Variants in COL21A1 observed in about 807,000 individuals in gnomAD.
COL21A1 encodes collagen type XXI alpha 1 chain, also known as collagen alpha-1(XXI) chain.
A neutral mutation model predicts 137.9 loss-of-function variants in COL21A1; 149 were observed. The observed-to-expected ratio is 1.08, with a 90% CI of 0.95 to 1.24. The LOEUF is 1.24. COL21A1 is among the 50% of genes most tolerant of loss of function. The pLI, the probability that COL21A1 is intolerant of heterozygous loss-of-function variation, is 0.00. For missense variants in COL21A1, 1,167 were observed against 1,158.4 expected, an observed-to-expected ratio of 1.01 and a Z score of -0.11; for synonymous variants, 456 against 391.5, an observed-to-expected ratio of 1.16 and a Z score of -1.95.
chr6:56,249,230 G>T (rs554263634), upstream of COL21A1, among the ~76,000 whole-genome samples: 1 of 152,268 alleles, frequency 6.6e-6, no homozygotes, highest in South Asian at 2.1e-4. Context: ...TGTTAGGGAG[G>T]ATATGGAGAA....
intron 1 of COL21A1, chr6:56,225,939 T>C (rs2745370): frequency 6.6e-6 from 1 of 152,000 alleles, no homozygotes. Context: ...TTAAATAGAT[T>C]AATCACAGAG....
At chr6:56,298,521 G>A (rs970861784) in intron 1 of COL21A1, among the ~76,000 whole-genome samples, 24 of 151,974 alleles carry the variant, frequency 1.6e-4, no homozygotes, top group Non-Finnish European at 5.9e-5. Context: ...CAGACATGTG[G>A]TCTGAGGATG....
Position 56,106,842 on chromosome 6 carries a change from A to T in COL21A1, c.1759-5317T>A, listed in dbSNP as rs1461778130. Among the ~76,000 whole-genome samples, 4 of 152,032 alleles carry T rather than the reference A, an allele frequency of 2.6e-5. No homozygotes were observed. In the East Asian group the frequency reaches 7.8e-4, roughly 29 times the overall value. On this transcript the variant is annotated intron_variant, in intron 16 of 29. Transcript: ENST00000244728. Reference sequence around the variant, plus strand: ...CGCTCTGTCGCCCAGGCTGGAGTGCAGTGGCGCCATCTCGGCTCACTGCAA... The same window carrying T: ...CGCTCTGTCGCCCAGGCTGGAGTGCTGTGGCGCCATCTCGGCTCACTGCAA...
At chr6:56,144,371 T>C (rs1774673464) in intron 10 of COL21A1, among the ~76,000 whole-genome samples, 1 of 152,088 alleles carries the variant, frequency 6.6e-6, no homozygotes, top group Admixed American at 6.6e-5. Context: ...AAGAAATCCA[T>C]TTTGCAAGAC....
chr6:56,307,505 C>T (rs568912303), intron 1 of COL21A1, among the ~76,000 whole-genome samples: 152 of 152,318 alleles, frequency 1.0e-3, no homozygotes, highest in African/African-American at 3.3e-3. Context: ...GCTCCGTGGG[C>T]GTAGGACCCT....
intron 1 of COL21A1, among the ~76,000 whole-genome samples, chr6:56,390,411 C>T (rs1015008568): frequency 8.6e-5 from 13 of 151,530 alleles, no homozygotes; most frequent in African/African-American, 2.9e-4. Flanking sequence ...TACAAAATGG[C>T]AGTAGTAAGT....
chr6:56,241,430 C>A (rs922742326), intron 1 of COL21A1, among the ~76,000 whole-genome samples: 11 of 152,160 alleles, frequency 7.2e-5, no homozygotes, highest in Non-Finnish European at 1.3e-4. Flanking sequence ...CTTTAGCAGC[C>A]TGGGCTAACT....
At chr6:56,329,198 G>C (rs1765166711) in intron 1 of COL21A1, among the ~76,000 whole-genome samples, 1 of 152,072 alleles carries the variant, frequency 6.6e-6, no homozygotes. Flanking sequence ...CATGACATGT[G>C]TCTACTGCCA....
chr6:56,337,609 T>A (rs1013909590), intron 1 of COL21A1, among the ~76,000 whole-genome samples: 1 of 152,244 alleles, frequency 6.6e-6, no homozygotes, highest in Non-Finnish European at 1.5e-5. Flanking sequence ...TGCCTCAGTC[T>A]TAACATCTGT....
Position 56,170,955 on chromosome 6 carries a change from C to A in COL21A1, c.809+5G>T. The A allele has an allele frequency of 6.3e-7, 1 of 1,599,324 alleles. No individual in the cohort carries two copies. Among genetic ancestry groups the A allele is most frequent in the Non-Finnish European group, 8.5e-7 (1 of 1,173,348 alleles). ...AAAAAAGTTGTGTCAACATATAATG[C>A]ATACCTTGTGAGTTCTGATAAATCA... On this transcript the variant is annotated splice_donor_5th_base_variant and intron_variant, in intron 4 of 29. Transcript: ENST00000244728.
At chr6:56,255,781 C>T (rs1782954750) in intron 1 of COL21A1, among the ~76,000 whole-genome samples, 1 of 152,132 alleles carries the variant, frequency 6.6e-6, no homozygotes. Flanking sequence ...GTCTGATAAG[C>T]CTTTGGGGGC....
intron 1 of COL21A1, among the ~76,000 whole-genome samples, chr6:56,357,384 G>A (rs768394610): frequency 2.0e-5 from 3 of 152,074 alleles, no homozygotes; most frequent in South Asian, 2.1e-4. Flanking sequence ...AGCTATCATC[G>A]CCTGTCCATG....
chr6:56,346,636 A>G (rs757459102), intron 1 of COL21A1, among the ~76,000 whole-genome samples: 1 of 152,212 alleles, frequency 6.6e-6, no homozygotes, highest in Non-Finnish European at 1.5e-5. Flanking sequence ...CAATGATAGC[A>G]GAAGAAAAAC....
chr6:56,239,389 T>A (rs985655902), intron 1 of COL21A1, among the ~76,000 whole-genome samples: 41 of 152,132 alleles, frequency 2.7e-4, no homozygotes, highest in African/African-American at 9.4e-4. Flanking sequence ...ATAAAAATAA[T>A]ACATGTATTT....
intron 12 of COL21A1, among the ~76,000 whole-genome samples, chr6:56,128,780 G>A (rs1773258397): frequency 6.6e-6 from 1 of 152,118 alleles, no homozygotes; most frequent in Non-Finnish European, 1.5e-5. Flanking sequence ...TCAGCCTCCT[G>A]AGTAGCCGGG....
At position 56,179,945 on chromosome 6, in the gene COL21A1, G is replaced by T. The variant is rs182718262; in HGVS notation, c.273C>A (p.Leu91=). The part of the protein sequence containing the change: ...YSDYPVLEIP[L]GSYDSGEHLT... ...AATGTTCTCCTGAATCATAGCTTCC[G>T]AGAGGAATCTCCAGCACAGGGTAGT... Residue 91 remains leucine, a synonymous_variant, in exon 3 of 30, where the codon CTC becomes CTA. Coordinates refer to ENST00000244728, the MANE Select transcript of COL21A1 (RefSeq NM_030820.4). 2.5e-6 allele frequency: 4 copies of T among 1,613,666 alleles called. No homozygotes were observed. Among genetic ancestry groups the T allele is most frequent in the Non-Finnish European group, 3.4e-6 (4 of 1,179,854 alleles).
chr6:56,220,782 C>T (rs1245850530), intron 1 of COL21A1, among the ~76,000 whole-genome samples: 1 of 152,080 alleles, frequency 6.6e-6, no homozygotes, highest in Non-Finnish European at 1.5e-5. Flanking sequence ...ATGGACTAAG[C>T]AATTACACAT....
At chr6:56,182,968 C>A (rs1778012735) in intron 1 of COL21A1, among the ~76,000 whole-genome samples, 1 of 152,164 alleles carries the variant, frequency 6.6e-6, no homozygotes, top group African/African-American at 2.4e-5. Context: ...AGAACCTTAT[C>A]TCATTCTTTT....
At chr6:56,208,290 C>T (rs908923504) in intron 1 of COL21A1, among the ~76,000 whole-genome samples, 1 of 152,122 alleles carries the variant, frequency 6.6e-6, no homozygotes, top group East Asian at 1.9e-4. Flanking sequence ...ATTGTCTCAG[C>T]CCAAAATCTC....
Sources: gnomAD v4.1 joint callset for allele counts (sites outside exome capture counted in the v4.1 genomes callset) on GRCh38, gnomAD v4.1.1 for gene constraint, MANE v1.5 for transcripts, NCBI Gene and HGNC (gene_info 2026-07-23, HGNC 2026-07-21) for gene names.